The following EDRF1 variants were observed in gnomAD, a reference collection of about 807,000 sequenced individuals.
The protein encoded by EDRF1 is erythroid differentiation-related factor 1.
In EDRF1, 69 loss-of-function variants were observed where a neutral mutation model predicts 148.7. That is an observed-to-expected ratio of 0.46 (90% CI 0.38 to 0.57). EDRF1 has a LOEUF of 0.57. Among genes scored for constraint, EDRF1 ranks in the 20% least tolerant of loss-of-function variants. EDRF1 has a pLI of 0.00. For synonymous variants in EDRF1, 515 were observed against 532.8 expected, an observed-to-expected ratio of 0.97 and a Z score of 0.46; for missense variants, 1,118 against 1,478.7, an observed-to-expected ratio of 0.76 and a Z score of 4.00.
intron 4 of EDRF1, among the ~76,000 whole-genome samples, 179 bp downstream of exon 4, chr10:125,724,115 T>G (rs1848143118): frequency 6.6e-6 from 1 of 152,094 alleles, no homozygotes; most frequent in East Asian, 1.9e-4. Flanking sequence ...AGAATGAGAA[T>G]GGTGAAGAAA....
At position 125,743,231 on chromosome 10, in the gene EDRF1, G is replaced by A. The variant is rs540931660; in HGVS notation, c.2545G>A (p.Val849Met). 1.9e-6 allele frequency: 3 copies of A among 1,613,766 alleles called. No homozygotes were observed. The African/African-American group carries it at 4.0e-5, about 22-fold the overall frequency. The change falls in exon 18 of 25, where the codon GTG becomes ATG. Residue 849 changes from valine (V) to methionine (M), a missense_variant. Val to Met is a conservative substitution (Grantham distance 21). Transcript: ENST00000356792. ...GGGTAACATTAGAAATGAAATTGGTGTGTTTTACATGAATCAGGCTGCTGC... is the reference window on the plus strand; with the variant it reads ...GGGTAACATTAGAAATGAAATTGGTATGTTTTACATGAATCAGGCTGCTGC... ...RMGNIRNEIG[V>M]FYMNQAAALQ... is the part of the protein sequence containing the mutation.
intron 24 of EDRF1, among the ~76,000 whole-genome samples, chr10:125,755,692 GCTGT>G (rs1247904454): frequency 3.9e-5 from 6 of 152,102 alleles, no homozygotes; most frequent in Non-Finnish European, 7.4e-5. Context: ...TATTACTCAG[GCTGT>G]CTTTTTCTTG....
At chr10:125,725,961 G>A in intron 6 of EDRF1, 123 bp downstream of exon 6, 1 of 1,101,978 alleles carries the variant, frequency 9.1e-7, no homozygotes, top group Non-Finnish European at 1.3e-6. Context: ...ATGGAATGGG[G>A]GAAAAAAGAC....
chr10:125,762,198 TGGCA>T (rs943458168), intron 24 of EDRF1, among the ~76,000 whole-genome samples: 7 of 152,220 alleles, frequency 4.6e-5, no homozygotes, highest in Admixed American at 2.0e-4. Flanking sequence ...GGCTGCTCTG[TGGCA>T]GGCCTGACTG....
chr10:125,762,710 G>C (rs1401223847), intron 24 of EDRF1, among the ~76,000 whole-genome samples: 1 of 152,178 alleles, frequency 6.6e-6, no homozygotes, highest in East Asian at 1.9e-4. Context: ...AAACTGAGAT[G>C]CAGCAGTTCT....
chr10:125,723,162 T>C (rs777630022), intron 3 of EDRF1, 28 bp downstream of exon 3: 4 of 1,602,754 alleles, frequency 2.5e-6, no homozygotes, highest in Non-Finnish European at 2.6e-6. Flanking sequence ...CTTAATGTAA[T>C]TTTGGAGGTG....
chr10:125,731,985 T>C, intron 9 of EDRF1: 1 of 404,608 alleles, frequency 2.5e-6, no homozygotes, highest in Non-Finnish European at 5.2e-6. Flanking sequence ...TGCCTCTCTC[T>C]GGCTGAGGAC....
chr10:125,725,186 A>T (rs909425546), intron 4 of EDRF1, 132 bp from the exon 5 acceptor site: 8 of 1,096,862 alleles, frequency 7.3e-6, no homozygotes, highest in Non-Finnish European at 8.0e-6. Flanking sequence ...ACCCAGAAAG[A>T]TATGTTTTTA....
At chr10:125,760,903 A>G (rs1357233807) in intron 24 of EDRF1, among the ~76,000 whole-genome samples, 1 of 152,254 alleles carries the variant, frequency 6.6e-6, no homozygotes, top group Non-Finnish European at 1.5e-5. Context: ...TAGGTATTAT[A>G]AGTCATCTAG....
intron 17 of EDRF1, 140 bp from the exon 18 acceptor site, chr10:125,742,918 T>C (rs1178636077): frequency 1.5e-6 from 2 of 1,364,086 alleles, no homozygotes; most frequent in Non-Finnish European, 2.0e-6. Flanking sequence ...ACTTAAATAT[T>C]GTTGTATTGA....
intron 13 of EDRF1, among the ~76,000 whole-genome samples, chr10:125,736,358 G>A (rs1430075654): frequency 6.6e-6 from 1 of 152,054 alleles, no homozygotes; most frequent in African/African-American, 2.4e-5. Context: ...TGACTCTTGT[G>A]GTCATGTCTG....
At chr10:125,756,949 A>G (rs921600213) in intron 24 of EDRF1, 23 of 397,730 alleles carry the variant, frequency 5.8e-5, no homozygotes, top group Non-Finnish European at 1.1e-4. Flanking sequence ...AGTAGCTGGG[A>G]CCACGGGTGT....
chr10:125,723,798 T>C lies in EDRF1; in HGVS notation c.385-13T>C. On this transcript the variant is annotated splice_polypyrimidine_tract_variant and intron_variant, in intron 3 of 24. Transcript: ENST00000356792. Reference sequence around the variant, plus strand: ...CAGTCTTTCTAAACTATTTTTTCTCTTAATTTTTTAAGAACATAAAAAAAC... The same window carrying C: ...CAGTCTTTCTAAACTATTTTTTCTCCTAATTTTTTAAGAACATAAAAAAAC... 2 of 1,611,070 alleles carry C rather than the reference T, an allele frequency of 1.2e-6. No homozygotes were observed. The highest frequency in any genetic ancestry group is 1.3e-5 in the African/African-American group (1 of 74,968).
intron 9 of EDRF1, among the ~76,000 whole-genome samples, chr10:125,731,687 T>TA (rs900699673): frequency 1.3e-5 from 2 of 152,114 alleles, no homozygotes; most frequent in Non-Finnish European, 2.9e-5. Context: ...AAGGAGGACT[T>TA]AGAGACAAGA....
Position 125,735,632 on chromosome 10 carries a change from CTT to C in EDRF1, c.1498-8_1498-7del. On this transcript the variant is annotated splice_polypyrimidine_tract_variant and intron_variant, in intron 12 of 24. Coordinates refer to ENST00000356792, the MANE Select transcript of EDRF1 (RefSeq NM_001202438.2). ...GACAGTAATTTACACATATTTCTCT[CTT>C]TTTCATAAGATTATTGCTTCCGCCA... 6.2e-7 allele frequency: 1 copy of C among 1,611,186 alleles called. No individual in the cohort carries two copies. The highest frequency in any genetic ancestry group is 8.5e-7 in the Non-Finnish European group (1 of 1,178,374).
In EDRF1 at chr10:125,753,840, A is replaced by G; in HGVS notation, c.3540A>G (p.Lys1180=). Residue 1180 remains lysine (K), a synonymous_variant, in exon 24 of 25, where the codon AAA becomes AAG. Coordinates refer to ENST00000356792, the MANE Select transcript of EDRF1 (RefSeq NM_001202438.2). ...SIKLLSSTKK[K]TSNNIEDDTI... is the part of the protein sequence containing the mutation. ...AACTGCTATCTTCAACTAAAAAGAA[A>G]ACAAGGTAAATTAAGTGGTTATTTG... 8 of 1,612,690 alleles carry G rather than the reference A, an allele frequency of 5.0e-6. No homozygotes were observed. Among genetic ancestry groups the G allele is most frequent in the Non-Finnish European group, 6.8e-6 (8 of 1,179,924 alleles).
chr10:125,725,292 A>G (rs1035651680), intron 4 of EDRF1, 26 bp from the exon 5 acceptor site: 1 of 1,613,256 alleles, frequency 6.2e-7, no homozygotes, highest in African/African-American at 1.3e-5. Flanking sequence ...GTGTTGTATT[A>G]ATAATATGTA....
At chr10:125,754,457 G>A (rs935149755) in intron 24 of EDRF1, among the ~76,000 whole-genome samples, 3 of 152,206 alleles carry the variant, frequency 2.0e-5, no homozygotes, top group Non-Finnish European at 4.4e-5. Context: ...GAAGATCTGC[G>A]TTTCTAGTGA....
rs987483366 is a variant in EDRF1 at position 125,733,085 on chromosome 10, C to T, written c.1129-319C>T. On this transcript the variant is annotated intron_variant, in intron 9 of 24. Coordinates refer to ENST00000356792, the MANE Select transcript of EDRF1 (RefSeq NM_001202438.2). Reference sequence around the variant, plus strand: ...ACCATCTTCCCAGTTGAAAACCATTCAAGTGGAATAAAAGTAGTCAGTATG... The same window carrying T: ...ACCATCTTCCCAGTTGAAAACCATTTAAGTGGAATAAAAGTAGTCAGTATG... 2.6e-5 allele frequency among the ~76,000 whole-genome samples: 4 copies of T among 152,254 alleles called. No homozygotes were observed. In the South Asian group the frequency reaches 8.3e-4, roughly 32 times the overall value.
Sources: allele counts gnomAD v4.1 joint callset (sites outside exome capture counted in the v4.1 genomes callset), GRCh38; gene constraint gnomAD v4.1.1; transcripts MANE v1.5; gene names NCBI Gene and HGNC (gene_info 2026-07-23, HGNC 2026-07-21).